NDUFV2: variants seen among roughly 807,000 people sequenced by gnomAD.
NDUFV2 encodes NADH dehydrogenase [ubiquinone] flavoprotein 2, mitochondrial.
Under a neutral mutation model 31.6 loss-of-function variants are expected in NDUFV2, and 18 were observed. The ratio of observed to expected loss-of-function variants is 0.57; its 90% CI spans 0.39 to 0.84. The LOEUF is 0.84. Among genes scored for constraint, NDUFV2 ranks in the 40% least tolerant of loss-of-function variants. The probability of loss-of-function intolerance (pLI) is 0.00; values close to 1 mark genes in which losing one functional copy is unlikely to be tolerated. For synonymous variants in NDUFV2, 83 were observed against 99.8 expected (o/e 0.83, Z 1.01); for missense variants, 314 against 303.6 (o/e 1.03, Z -0.26).
chr18:9,103,478 A>C (rs1440313796), intron 1 of NDUFV2: 1 of 219,344 alleles, frequency 4.6e-6, no homozygotes, highest in African/African-American at 2.3e-5. Context: ...ACACTCCTTC[A>C]CGTTAATCTA....
chr18:9,111,830 C>T (rs2077871887), intron 1 of NDUFV2, among the ~76,000 whole-genome samples: 1 of 151,706 alleles, frequency 6.6e-6, no homozygotes, highest in South Asian at 2.1e-4. Flanking sequence ...GAGCTTTTAG[C>T]CATTTTGCTA....
At chr18:9,123,601 C>T (rs2077959591) in intron 5 of NDUFV2, among the ~76,000 whole-genome samples, 1 of 152,038 alleles carries the variant, frequency 6.6e-6, no homozygotes, top group East Asian at 1.9e-4. Context: ...TCTTCTGCCT[C>T]ACCCTTCCAA....
chr18:9,103,326 T>A (rs2077824647), intron 1 of NDUFV2: 2 of 393,208 alleles, frequency 5.1e-6, no homozygotes, highest in East Asian at 7.2e-5. Flanking sequence ...AAATAAACGG[T>A]ATCAAACTAA....
At chr18:9,130,667 A>G (rs1248494244) in intron 7 of NDUFV2, among the ~76,000 whole-genome samples, 1 of 152,190 alleles carries the variant, frequency 6.6e-6, no homozygotes, top group Non-Finnish European at 1.5e-5. Context: ...TAGTTATTCT[A>G]AATTAACCAA....
At chr18:9,126,794 GT>G in intron 6 of NDUFV2, 36 bp from the exon 7 acceptor site, 1 of 1,526,190 alleles carries the variant, frequency 6.6e-7, no homozygotes, top group Non-Finnish European at 9.1e-7. Flanking sequence ...ATAAAAGAAA[GT>G]AATTTAAATA....
At chr18:9,122,913 T>C (rs538501140) in intron 5 of NDUFV2, among the ~76,000 whole-genome samples, 2 of 152,364 alleles carry the variant, frequency 1.3e-5, no homozygotes, top group East Asian at 1.9e-4. Context: ...ATCAGTATGT[T>C]TGAAATGCTT....
chr18:9,123,484 A>AT (rs1053193803), intron 5 of NDUFV2, among the ~76,000 whole-genome samples: 9 of 148,060 alleles, frequency 6.1e-5, no homozygotes, highest in Non-Finnish European at 9.0e-5. Flanking sequence ...TGTCTGCCTC[A>AT]TTTTTTTTTT....
chr18:9,111,572 G>T (rs1411721414), intron 1 of NDUFV2, among the ~76,000 whole-genome samples: 1 of 151,798 alleles, frequency 6.6e-6, no homozygotes, highest in Admixed American at 6.6e-5. Flanking sequence ...GGGATTACAG[G>T]CACGTGCCAC....
intron 1 of NDUFV2, among the ~76,000 whole-genome samples, chr18:9,110,135 G>A (rs968983975): frequency 6.6e-6 from 1 of 152,170 alleles, no homozygotes; most frequent in Non-Finnish European, 1.5e-5. Context: ...AAGGGGGTGG[G>A]TGGGAACTCA....
intron 2 of NDUFV2, among the ~76,000 whole-genome samples, chr18:9,119,015 A>G (rs1041817666): frequency 4.6e-5 from 7 of 151,982 alleles, no homozygotes; most frequent in African/African-American, 1.2e-4. Flanking sequence ...TGGTAATTCT[A>G]TCAGAAGATC....
At chr18:9,119,900 T>C (rs1425803589) in intron 4 of NDUFV2, among the ~76,000 whole-genome samples, 1 of 152,124 alleles carries the variant, frequency 6.6e-6, no homozygotes, top group Non-Finnish European at 1.5e-5. Flanking sequence ...TGTCAAGATA[T>C]TCTGAAAATT....
intron 7 of NDUFV2, among the ~76,000 whole-genome samples, chr18:9,129,026 C>G (rs534668158): frequency 1.1e-3 from 165 of 152,294 alleles, no homozygotes; most frequent in Non-Finnish European, 1.6e-3. Flanking sequence ...CAACTTCTGC[C>G]TCCCAGGCTC....
intron 1 of NDUFV2, among the ~76,000 whole-genome samples, chr18:9,117,132 G>C (rs1230424228): frequency 6.6e-6 from 1 of 151,926 alleles, no homozygotes; most frequent in African/African-American, 2.4e-5. Context: ...TGCCTCCCAG[G>C]TTCAGGCGAT....
intron 1 of NDUFV2, among the ~76,000 whole-genome samples, chr18:9,110,174 C>G (rs978913904): frequency 3.9e-5 from 6 of 152,128 alleles, no homozygotes; most frequent in African/African-American, 1.4e-4. Flanking sequence ...TCCAGCCTAG[C>G]TAGGTTGTTT....
At chr18:9,123,135 G>T (rs895516969) in intron 5 of NDUFV2, among the ~76,000 whole-genome samples, 11 of 152,208 alleles carry the variant, frequency 7.2e-5, no homozygotes, top group Non-Finnish European at 1.5e-4. Context: ...AGTAGCATTT[G>T]AAAAGTAAAT....
chr18:9,134,286 T>C lies in NDUFV2; in HGVS notation c.*7T>C, dbSNP rs1568199320. The C allele has an allele frequency of 6.3e-7, 1 of 1,587,978 alleles. No individual in the cohort carries two copies. Among genetic ancestry groups the C allele is most frequent in the Non-Finnish European group, 8.6e-7 (1 of 1,158,008 alleles). On this transcript the variant is annotated 3_prime_UTR_variant, in exon 8 of 8. Transcript: ENST00000318388. ...TGTACAAGCAGGCCTTTAATTTATA[T>C]TGAACTGTAAATATGTCACTAGAGA...
chr18:9,112,177 C>T (rs1044822416), intron 1 of NDUFV2, among the ~76,000 whole-genome samples: 3 of 151,924 alleles, frequency 2.0e-5, no homozygotes, highest in Admixed American at 1.3e-4. Flanking sequence ...CGCCACCACA[C>T]GCGGTGAATT....
rs563747288 is a variant in NDUFV2 at position 9,128,326 on chromosome 18, A to G, written c.656+1419A>G. Among the ~76,000 whole-genome samples, 20 of 152,334 alleles carry G rather than the reference A, an allele frequency of 1.3e-4. No individual in the cohort carries two copies. The South Asian group carries it at 3.9e-3, about 30-fold the overall frequency. ...GTTCTAGAGTTTGCTCTCTAAAACTACTAATAATACCCTACTTAATGAGAA... is the reference window on the plus strand; with the variant it reads ...GTTCTAGAGTTTGCTCTCTAAAACTGCTAATAATACCCTACTTAATGAGAA... On this transcript the variant is annotated intron_variant, in intron 7 of 7. Transcript: ENST00000318388.
At chr18:9,119,718 T>A (rs2077920901) in intron 4 of NDUFV2, 128 bp downstream of exon 4, 3 of 772,002 alleles carry the variant, frequency 3.9e-6, no homozygotes, top group East Asian at 2.6e-5. Context: ...TAGCCATTTG[T>A]ATGTTTCCTT....
Sources: allele counts gnomAD v4.1 joint callset (sites outside exome capture counted in the v4.1 genomes callset), GRCh38; gene constraint gnomAD v4.1.1; transcripts MANE v1.5; gene names NCBI Gene and HGNC (gene_info 2026-07-23, HGNC 2026-07-21).